The following MICAL2 variants were observed in gnomAD, a reference collection of about 807,000 sequenced individuals.
MICAL2 encodes microtubule associated monooxygenase, calponin and LIM domain containing 2.
A neutral mutation model predicts 127.3 loss-of-function variants in MICAL2; 77 were observed. That is an observed-to-expected ratio of 0.60 (90% CI 0.50 to 0.73). The LOEUF (loss-of-function observed/expected upper bound fraction) is 0.73. Ranked by LOEUF, MICAL2 falls within the 30% of genes least tolerant of loss-of-function variation. The pLI is 0.00. For synonymous variants in MICAL2, 570 were observed against 551.1 expected (o/e 1.03, Z -0.48); for missense variants, 1,351 against 1,434.4 (o/e 0.94, Z 0.94).
At chr11:12,326,271 G>A (rs1442535818) in intron 31 of MICAL2, among the ~76,000 whole-genome samples, 1 of 152,200 alleles carries the variant, frequency 6.6e-6, no homozygotes, top group Non-Finnish European at 1.5e-5. Context: ...TGCCTGTTCT[G>A]CCAGGTGCAA....
At position 12,139,674 on chromosome 11, in the gene MICAL2, C is replaced by G. The variant is rs11821543; in HGVS notation, c.-78+1214C>G. ...TCATTCTTAGTATCTGGGGAAAGAC[C>G]CAGGCAAAGAGCTGATTGGCCAGTC... is the stretch of plus-strand genomic sequence containing the variant. On this transcript the variant is annotated intron_variant, in intron 2 of 27. Coordinates refer to ENST00000683283, the MANE Select transcript of MICAL2 (RefSeq NM_001282663.2). Among the ~76,000 whole-genome samples, 1,225 of 152,218 alleles carry G rather than the reference C, an allele frequency of 8.0e-3. 14 individuals carry two copies. The highest frequency in any genetic ancestry group is 0.027 in the African/African-American group (1,114 of 41,518).
At chr11:12,137,707 C>T (rs754967087) in intron 1 of MICAL2, among the ~76,000 whole-genome samples, 1 of 152,098 alleles carries the variant, frequency 6.6e-6, no homozygotes, top group Non-Finnish European at 1.5e-5. Flanking sequence ...AATTTCACAC[C>T]TGTGTTAGTT....
At chr11:12,131,813 C>T (rs12269907) in intron 1 of MICAL2, among the ~76,000 whole-genome samples, 53,640 of 151,978 alleles carry the variant, frequency 0.35, 9,658 homozygotes, top group African/African-American at 0.42. Context: ...GTCTCATTTT[C>T]TCATTTGAGA....
At position 12,310,559 on chromosome 11, in the gene MICAL2, G is replaced by A. The variant is rs188061515; in HGVS notation, c.5213-9137G>A. Among the ~76,000 whole-genome samples, 73 of 152,190 alleles carry A rather than the reference G, an allele frequency of 4.8e-4. No homozygotes were observed. In the East Asian group the frequency reaches 9.3e-3, roughly 19 times the overall value. On this transcript the variant is annotated intron_variant, in intron 29 of 34. Coordinates refer to the MICAL2 transcript ENST00000646065. ...GTATCTGTTTTTATGCCAGTATCAT[G>A]CTTTTGGTTACTATAGCTTTGTAAT...
chr11:12,213,120 T>A, intron 6 of MICAL2, 135 bp from the exon 7 acceptor site: 1 of 1,022,626 alleles, frequency 9.8e-7, no homozygotes, highest in Non-Finnish European at 1.4e-6. Flanking sequence ...TTCTGCCCGC[T>A]CCTGTCCACT....
At position 12,224,669 on chromosome 11, in the gene MICAL2, G is replaced by C; in HGVS notation, c.1541-4G>C. On this transcript the variant is annotated splice_polypyrimidine_tract_variant and splice_region_variant and intron_variant, in intron 12 of 27. Coordinates refer to ENST00000683283, the MANE Select transcript of MICAL2 (RefSeq NM_001282663.2). ...CCTCACTGCCTGCGCTCTCCTTCTT[G>C]CAGAGTCAGATATCCGGCCCAGCAA... The C allele has an allele frequency of 6.2e-7, 1 of 1,613,404 alleles. No individual in the cohort carries two copies. The highest frequency in any genetic ancestry group is 8.5e-7 in the Non-Finnish European group (1 of 1,179,432).
In MICAL2 at chr11:12,242,432, G is replaced by A; in HGVS notation, c.2556G>A (p.Gln852=). 1 of 1,598,186 alleles carries A rather than the reference G, an allele frequency of 6.3e-7. No homozygotes were observed. The highest frequency in any genetic ancestry group is 8.5e-7 in the Non-Finnish European group (1 of 1,170,342). The stretch of plus-strand genomic sequence containing the variant: ...AGCAAGTGGAGGAAAAGATTCTCCA[G>A]GTGAGAGACTCACTTTTTGCCCGTC... ...RLQQVEEKIL[Q]KRAQNLANRE... Residue 852 remains glutamine (Q), a splice_region_variant and synonymous_variant, in exon 19 of 28, where the codon CAG becomes CAA. Transcript: ENST00000683283.
chr11:12,285,055 CG>C (rs1863810270), intron 2 of MICAL2, among the ~76,000 whole-genome samples: 2 of 152,132 alleles, frequency 1.3e-5, no homozygotes, highest in African/African-American at 4.8e-5. Flanking sequence ...CCTGAAAACT[CG>C]GGGATCAGGA....
At chr11:12,358,225 A>G (rs1177247803) in intron 34 of MICAL2, 31 of 1,461,394 alleles carry the variant, frequency 2.1e-5, no homozygotes, top group Non-Finnish European at 2.9e-5. Context: ...ACAATCGAGA[A>G]TGTCCATGCC....
At chr11:12,198,106 TCA>T (rs919223816) in intron 3 of MICAL2, among the ~76,000 whole-genome samples, 2 of 152,080 alleles carry the variant, frequency 1.3e-5, no homozygotes, top group Admixed American at 6.5e-5. Flanking sequence ...CAACCCCCTC[TCA>T]GAGATTCCTC....
At chr11:12,158,928 C>T (rs1423880448) in intron 2 of MICAL2, among the ~76,000 whole-genome samples, 1 of 152,204 alleles carries the variant, frequency 6.6e-6, no homozygotes, top group Non-Finnish European at 1.5e-5. Flanking sequence ...AAGCTACCCG[C>T]CATGGGTGTT....
At chr11:12,187,101 T>A (rs1329764610) in intron 3 of MICAL2, among the ~76,000 whole-genome samples, 1 of 152,218 alleles carries the variant, frequency 6.6e-6, no homozygotes, top group Non-Finnish European at 1.5e-5. Context: ...CTCTGCTCTC[T>A]CCCCGTGTGG....
intron 19 of MICAL2, 94 bp from the exon 20 acceptor site, chr11:12,242,577 C>T: frequency 1.4e-6 from 2 of 1,449,048 alleles, no homozygotes; most frequent in South Asian, 1.2e-5. Flanking sequence ...AGGCAAGGCC[C>T]CCGGCTGCCT....
chr11:12,328,414 T>C (rs890259477), intron 32 of MICAL2, among the ~76,000 whole-genome samples: 5 of 152,062 alleles, frequency 3.3e-5, no homozygotes, highest in African/African-American at 1.2e-4. Flanking sequence ...ATCTATAAGA[T>C]GAGAACCAGA....
At position 12,131,224 on chromosome 11, in the gene MICAL2, C is replaced by T. The variant is rs1851387945; in HGVS notation, c.-148-7166C>T. ...AGGAGAATGGCGTGAACCCGGGAGG[C>T]GGAGCTTGCAGTGAGCCGAGATTGC... On this transcript the variant is annotated intron_variant, in intron 1 of 27. Coordinates refer to ENST00000683283, the MANE Select transcript of MICAL2 (RefSeq NM_001282663.2). 5.9e-5 allele frequency among the ~76,000 whole-genome samples: 2 copies of T among 33,616 alleles called. 1 individual carries two copies. Among genetic ancestry groups the T allele is most frequent in the Non-Finnish European group, 1.8e-4 (2 of 11,358 alleles). 22.1% of individuals were successfully genotyped at this position (33,616 alleles called of 152,430 possible).
At chr11:12,338,409 A>G (rs925691124) in intron 32 of MICAL2, among the ~76,000 whole-genome samples, 5 of 152,002 alleles carry the variant, frequency 3.3e-5, no homozygotes, top group South Asian at 2.1e-4. Context: ...TCTTTATCCA[A>G]TTTGCCAGTC....
At chr11:12,260,801 C>T (rs896419403) in intron 26 of MICAL2, 2 of 985,442 alleles carry the variant, frequency 2.0e-6, no homozygotes, top group Non-Finnish European at 2.4e-6. Context: ...CTGTTTTGCT[C>T]CCTTGTTTTG....
intron 3 of MICAL2, among the ~76,000 whole-genome samples, chr11:12,185,829 C>T (rs748558747): frequency 1.3e-5 from 2 of 152,232 alleles, no homozygotes; most frequent in African/African-American, 2.4e-5. Flanking sequence ...CTTTTGTACT[C>T]TGTCATGCTT....
At chr11:12,225,900 A>C (rs989499605) in intron 13 of MICAL2, 24 of 488,954 alleles carry the variant, frequency 4.9e-5, no homozygotes, top group African/African-American at 4.2e-4. Context: ...ATAGCTCATA[A>C]ATGTTCCCAA....
Sources: gnomAD v4.1 joint callset for allele counts (sites outside exome capture counted in the v4.1 genomes callset) on GRCh38, gnomAD v4.1.1 for gene constraint, MANE v1.5 for transcripts, NCBI Gene and HGNC (gene_info 2026-07-23, HGNC 2026-07-21) for gene names.